The following ZNF16 variants were observed in gnomAD, a reference collection of about 807,000 sequenced individuals.
ZNF16 encodes the protein zinc finger protein 16.
In ZNF16, 7 loss-of-function variants were observed where a neutral mutation model predicts 9.0. That is an observed-to-expected ratio of 0.78 (90% CI 0.44 to 1.47). The LOEUF (loss-of-function observed/expected upper bound fraction) is 1.47, where lower values mean the gene tolerates loss of function less well. Ranked by LOEUF, ZNF16 falls within the 40% of genes most tolerant of loss-of-function variation. ZNF16 has a pLI of 0.01. For synonymous variants in ZNF16, 312 were observed against 301.5 expected (o/e 1.03, Z -0.36); for missense variants, 830 against 854.2 (o/e 0.97, Z 0.35).
chr8:144,939,293 A>C (rs1289794173), intron 2 of ZNF16, among the ~76,000 whole-genome samples: 1 of 152,108 alleles, frequency 6.6e-6, no homozygotes, highest in Non-Finnish European at 1.5e-5. Context: ...TTTGGTATTA[A>C]TTCATTAAAT....
intron 1 of ZNF16, among the ~76,000 whole-genome samples, chr8:144,946,521 G>A (rs532465950): frequency 1.5e-5 from 2 of 133,542 alleles, no homozygotes; most frequent in South Asian, 4.7e-4. Flanking sequence ...CACAGGGTCT[G>A]TGTCCTGCTG....
In ZNF16 at chr8:144,931,112, T is replaced by C; in HGVS notation, c.1675A>G (p.Thr559Ala). The stretch of plus-strand genomic sequence containing the variant: ...TGAATCCTCTGATGCTGAATGAGGG[T>C]TGAGCTCTGGCTGAAGGTTTTTCCA... The part of the protein sequence containing the change: ...ECGKTFSQSS[T>A]LIQHQRIHNG... The change falls in exon 3 of 3, where the codon ACC (threonine) becomes GCC (alanine). Residue 559 changes from threonine to alanine, a missense_variant. Coordinates refer to ENST00000394909, the MANE Select transcript of ZNF16 (RefSeq NM_006958.3). The C allele has an allele frequency of 6.2e-7, 1 of 1,614,126 alleles. No homozygotes were observed. Among genetic ancestry groups the C allele is most frequent in the Non-Finnish European group, 8.5e-7 (1 of 1,180,006 alleles).
At chr8:144,946,746 C>G (rs1833953885) in intron 1 of ZNF16, among the ~76,000 whole-genome samples, 1 of 100,886 alleles carries the variant, frequency 9.9e-6, no homozygotes, top group African/African-American at 4.1e-5. Context: ...GGGCCATACC[C>G]TTCTGTGGGC....
At chr8:144,949,411 A>G (rs995053433) in intron 1 of ZNF16, among the ~76,000 whole-genome samples, 1 of 152,180 alleles carries the variant, frequency 6.6e-6, no homozygotes, top group Non-Finnish European at 1.5e-5. Context: ...CTTGTCTCCC[A>G]TGCGCTGGGA....
chr8:144,947,198 T>C (rs1247239218), intron 1 of ZNF16, among the ~76,000 whole-genome samples: 1 of 140,912 alleles, frequency 7.1e-6, no homozygotes, highest in East Asian at 2.1e-4. Context: ...TGGGCCTGTG[T>C]CCTGCTGTTG....
intron 2 of ZNF16, among the ~76,000 whole-genome samples, chr8:144,942,917 T>A (rs369958771): frequency 1.3e-5 from 2 of 152,354 alleles, no homozygotes; most frequent in African/African-American, 2.4e-5. Context: ...TATACTTACC[T>A]ATGTAGTTAC....
Position 144,930,961 on chromosome 8 carries a change from C to T in ZNF16, c.1826G>A (p.Gly609Asp), listed in dbSNP as rs148102607. The change falls in exon 3 of 3, where the codon GGC becomes GAC. Residue 609 changes from glycine to aspartate, a missense_variant. Physicochemically the swap from Gly to Asp is moderately conservative, Grantham distance 94. Coordinates refer to ENST00000394909, the MANE Select transcript of ZNF16 (RefSeq NM_006958.3). Reference protein sequence around the residue: ...KPYTCVECGKGFSQSSHLIQH... With the variant: ...KPYTCVECGKDFSQSSHLIQH... ...AATGAGGTGTGAGCTCTGGCTGAAG[C>T]CCTTACCACATTCAACACAGGTGTA... 2.2e-5 allele frequency: 35 copies of T among 1,613,444 alleles called. No individual in the cohort carries two copies. The highest frequency in any genetic ancestry group is 2.7e-5 in the Non-Finnish European group (32 of 1,179,792).
intron 2 of ZNF16, among the ~76,000 whole-genome samples, chr8:144,935,065 A>G (rs535610882): frequency 5.3e-5 from 8 of 152,324 alleles, no homozygotes; most frequent in African/African-American, 1.7e-4. Flanking sequence ...TGAATTCTGT[A>G]CGTGAGAAGG....
chr8:144,947,346 G>A (rs28679604), intron 1 of ZNF16, among the ~76,000 whole-genome samples: 19 of 141,480 alleles, frequency 1.3e-4, no homozygotes, highest in African/African-American at 4.4e-4. Flanking sequence ...GTGGGCCTGT[G>A]TCCTGTTGTG....
At chr8:144,946,468 T>G (rs879250656) in intron 1 of ZNF16, among the ~76,000 whole-genome samples, 1 of 151,894 alleles carries the variant, frequency 6.6e-6, no homozygotes, top group Non-Finnish European at 1.5e-5. Flanking sequence ...TAAGGTAAAG[T>G]GGGTCATGGT....
In ZNF16 at chr8:144,931,373, A is replaced by G. The variant is rs1178369435; in HGVS notation, c.1414T>C (p.Tyr472His). ...VCNVCGKAFS[Y>H]SSVLRKHQII... ...TGGTGCTTTCGGAGCACTGAGCTAT[A>G]ACTAAAGGCTTTTCCACATACATTA... The change falls in exon 3 of 3, where the codon TAT becomes CAT. Residue 472 changes from tyrosine to histidine, a missense_variant. Tyr to His is a moderately conservative substitution (Grantham distance 83). Transcript: ENST00000394909. 1.2e-6 allele frequency: 2 copies of G among 1,613,814 alleles called. No individual in the cohort carries two copies. Among genetic ancestry groups the G allele is most frequent in the Admixed American group, 3.3e-5 (2 of 60,002 alleles).
intron 2 of ZNF16, among the ~76,000 whole-genome samples, chr8:144,936,331 T>G (rs1833681455): frequency 6.6e-6 from 1 of 152,244 alleles, no homozygotes; most frequent in Non-Finnish European, 1.5e-5. Context: ...ACATCTGGGC[T>G]GTTTGTACCT....
At chr8:144,937,149 T>TC (rs1833705196) in intron 2 of ZNF16, among the ~76,000 whole-genome samples, 1 of 135,424 alleles carries the variant, frequency 7.4e-6, no homozygotes, top group Non-Finnish European at 1.5e-5. Flanking sequence ...CTCTCTTTTT[T>TC]TTTTTTTTTT....
In ZNF16 at chr8:144,932,732, C is replaced by A; in HGVS notation, c.197-142G>T. The A allele has an allele frequency of 2.6e-6, 2 of 775,252 alleles. No individual in the cohort carries two copies. Among genetic ancestry groups the A allele is most frequent in the Non-Finnish European group, 2.0e-6 (1 of 489,186 alleles). The allele number at this position is 775,252 out of a possible 1,614,324, so 48.0% of individuals were successfully genotyped here. A position where few individuals can be genotyped will look rare whatever the true frequency, so the allele number is the denominator to read the frequency against. On this transcript the variant is annotated intron_variant, in intron 2 of 2. Transcript: ENST00000394909. The surrounding 1 kb of genome is among the most constrained non-coding windows in gnomAD (Gnocchi z 5.0). ...TGGGGTGGCAGTCCAGATCAGAGGG[C>A]ATCAGGGAGGGGTGGGAGGAGCACT...
rs1563918003 is a variant in ZNF16, at chr8:144,931,413, T to C, written c.1374A>G (p.Glu458=). 6.2e-7 allele frequency: 1 copy of C among 1,613,868 alleles called. No homozygotes were observed. The highest frequency in any genetic ancestry group is 2.2e-5 in the East Asian group (1 of 44,820). ...LIQHRRIHTG[E]KPHVCNVCGK... ...CACATACATTACACACGTGAGGCTT[T>C]TCTCCAGTGTGAATTCTCCGATGCT... The change falls in exon 3 of 3, where the codon GAA becomes GAG. Residue 458 remains glutamate, a synonymous_variant. Transcript: ENST00000394909.
intron 1 of ZNF16, chr8:144,950,530 C>T (rs1191781806): frequency 1.3e-5 from 2 of 152,232 alleles, no homozygotes; most frequent in Non-Finnish European, 2.9e-5. Flanking sequence ...GGCTCGGCCC[C>T]TCGCGGCGAC....
chr8:144,934,000 C>T lies in ZNF16; in HGVS notation c.197-1410G>A, dbSNP rs1833618095. 6.6e-6 allele frequency among the ~76,000 whole-genome samples: 1 copy of T among 152,196 alleles called. No individual in the cohort carries two copies. Among genetic ancestry groups the T allele is most frequent in the Non-Finnish European group, 1.5e-5 (1 of 68,026 alleles). The stretch of plus-strand genomic sequence containing the variant: ...TGAGTGGGTGTGAAGGATGCCCCTC[C>T]AATGCCCCTCCCACCTTGCGGCGTC... On this transcript the variant is annotated intron_variant, in intron 2 of 2. Coordinates refer to ENST00000394909, the MANE Select transcript of ZNF16 (RefSeq NM_006958.3). The surrounding 1 kb of genome is among the most constrained non-coding windows in gnomAD (Gnocchi z 5.6).
rs761644689 is a variant in ZNF16, at chr8:144,931,964, G to A, written c.823C>T (p.Arg275Ter). The A allele has an allele frequency of 1.8e-5, 29 of 1,613,240 alleles. No individual in the cohort carries two copies. Among genetic ancestry groups the A allele is most frequent in the Non-Finnish European group, 2.3e-5 (27 of 1,179,516 alleles). ...YQCSECGKAFRGHSDFSRHQS... is the reference protein window; with the variant it reads ...YQCSECGKAF ...TGCCTAGAAAAGTCTGAGTGCCCTC[G>A]GAAGGCTTTCCCACATTCGCTGCAC... Residue 275 changes from arginine (R) to a stop codon, truncating the protein, a stop_gained, in exon 3 of 3, where the codon CGA becomes TGA. Coordinates refer to ENST00000394909, the MANE Select transcript of ZNF16 (RefSeq NM_006958.3). LOFTEE classifies it low-confidence loss of function (END_TRUNC).
chr8:144,940,825 A>AT (rs1387395342), intron 2 of ZNF16, among the ~76,000 whole-genome samples: 1 of 152,222 alleles, frequency 6.6e-6, no homozygotes, highest in Non-Finnish European at 1.5e-5. Context: ...TCACTGCCTG[A>AT]TGAGAGCTGG....
Sources: gnomAD v4.1 joint callset for allele counts (sites outside exome capture counted in the v4.1 genomes callset) on GRCh38, gnomAD v4.1.1 for gene constraint, Gnocchi (gnomAD v3.1) non-coding constraint, MANE v1.5 for transcripts, NCBI Gene and HGNC (gene_info 2026-07-23, HGNC 2026-07-21) for gene names.